The following AGBL1 variants were observed in gnomAD, a reference collection of about 807,000 sequenced individuals.
AGBL1 encodes the protein AGBL carboxypeptidase 1, also known as cytosolic carboxypeptidase 4.
A neutral mutation model predicts 118.9 loss-of-function variants in AGBL1; 130 were observed. That is an observed-to-expected ratio of 1.09 (90% CI 0.95 to 1.26). The LOEUF (loss-of-function observed/expected upper bound fraction) is 1.26, where lower values mean the gene tolerates loss of function less well. Among genes scored for constraint, AGBL1 ranks in the 50% most tolerant of loss-of-function variants. The pLI, the probability that AGBL1 is intolerant of heterozygous loss-of-function variation, is 0.00. For missense variants in AGBL1, 1,584 were observed against 1,298.1 expected, an observed-to-expected ratio of 1.22 and a Z score of -3.38; for synonymous variants, 555 against 478.9, an observed-to-expected ratio of 1.16 and a Z score of -2.08.
At chr15:86,381,864 G>A (rs1224170751) in intron 17 of AGBL1, among the ~76,000 whole-genome samples, 3 of 152,166 alleles carry the variant, frequency 2.0e-5, no homozygotes, top group Non-Finnish European at 4.4e-5. Context: ...TCTCCCCATT[G>A]GGAAGGCAGA....
At chr15:86,982,861 C>G (rs888518056) in intron 23 of AGBL1, among the ~76,000 whole-genome samples, 1 of 152,098 alleles carries the variant, frequency 6.6e-6, no homozygotes, top group African/African-American at 2.4e-5. Flanking sequence ...AAAAGTTATA[C>G]AAGGATTTTT....
At chr15:86,443,739 T>C (rs1036609200) in intron 18 of AGBL1, among the ~76,000 whole-genome samples, 1 of 152,234 alleles carries the variant, frequency 6.6e-6, no homozygotes, top group Admixed American at 6.5e-5. Context: ...CCAAACATAG[T>C]GTCCTCCAAA....
At chr15:86,203,341 C>T (rs1209148830) in intron 5 of AGBL1, among the ~76,000 whole-genome samples, 14 of 152,116 alleles carry the variant, frequency 9.2e-5, no homozygotes, top group African/African-American at 1.9e-4. Flanking sequence ...TGCTACCCTA[C>T]CAAAAATATA....
Position 86,667,234 on chromosome 15 carries a change from G to GTATCTATC in AGBL1, c.2995-7036_2995-7035insCTATCTAT, listed in dbSNP as rs1323977258. Among the ~76,000 whole-genome samples the GTATCTATC allele has an allele frequency of 2.0e-3, 193 of 97,546 alleles. 1 individual carries two copies. The East Asian group carries it at 0.021, about 11-fold the overall frequency. 64.0% of individuals were successfully genotyped at this position (97,546 alleles called of 152,430 possible). A position where few individuals can be genotyped will look rare whatever the true frequency, so the allele number is the denominator to read the frequency against. On this transcript the variant is annotated intron_variant, in intron 21 of 22. Transcript: ENST00000614907. ...TGTATCTATGTATGTATGTATGTAT[G>GTATCTATC]TATGTATGTATGTATGTATGTATCT...
rs36174307 is a variant in AGBL1, at chr15:86,410,842, A to ATATATATATG, written c.2555+13296_2555+13297insTATATATATG. Among the ~76,000 whole-genome samples the ATATATATATG allele has an allele frequency of 1.1e-3, 83 of 74,644 alleles. 3 individuals carry two copies. The highest frequency in any genetic ancestry group is 4.4e-3 in the East Asian group (7 of 1,576). The allele number at this position is 74,644 out of a possible 152,430, so 49.0% of individuals were successfully genotyped here. A position where few individuals can be genotyped will look rare whatever the true frequency, so the allele number is the denominator to read the frequency against. On this transcript the variant is annotated intron_variant, in intron 18 of 22. Transcript: ENST00000614907. ...TATATATATATATATATATATATAT[A>ATATATATATG]ATATACTATTTTATATATAAAATAT... is the stretch of plus-strand genomic sequence containing the variant.
At chr15:86,112,352 G>A (rs948460098) in intron 1 of AGBL1, among the ~76,000 whole-genome samples, 1 of 150,646 alleles carries the variant, frequency 6.6e-6, no homozygotes, top group Non-Finnish European at 1.5e-5. Flanking sequence ...TTATATGCAT[G>A]TTTAAACAAA....
rs567780744 is a variant in AGBL1 at position 86,999,090 on chromosome 15, G to A, written c.3323+11002G>A. 8.9e-4 allele frequency among the ~76,000 whole-genome samples: 135 copies of A among 151,212 alleles called. No individual in the cohort carries two copies. The Middle Eastern group carries it at 0.01, about 12-fold the overall frequency. On this transcript the variant is annotated intron_variant, in intron 24 of 24. Coordinates refer to the AGBL1 transcript ENST00000441037. ...CTCACTGTTCAATTCCCACCTATGA[G>A]TGAGAACATGCAGTGTTTGTTTTTT... is the stretch of plus-strand genomic sequence containing the variant.
intron 22 of AGBL1, among the ~76,000 whole-genome samples, chr15:86,739,483 AT>A (rs1464833714): frequency 6.6e-6 from 1 of 150,604 alleles, no homozygotes; most frequent in South Asian, 2.1e-4. Context: ...AGAAAAAAAA[AT>A]TTTTCACAGG....
At chr15:86,809,901 G>T (rs574400548) in intron 22 of AGBL1, among the ~76,000 whole-genome samples, 1 of 152,094 alleles carries the variant, frequency 6.6e-6, no homozygotes, top group South Asian at 2.1e-4. Flanking sequence ...TATGTCGTTT[G>T]GCCAATAAAA....
chr15:86,656,445 A>G lies in AGBL1; in HGVS notation c.2995-17828A>G, dbSNP rs192596380. Among the ~76,000 whole-genome samples the G allele has an allele frequency of 2.8e-3, 426 of 152,306 alleles. 2 individuals carry two copies. Among genetic ancestry groups the G allele is most frequent in the African/African-American group, 7.7e-3 (319 of 41,580 alleles). On this transcript the variant is annotated intron_variant, in intron 21 of 22. Transcript: ENST00000614907. ...AACTTCATTACAAACCCAGTGTTGT[A>G]GAGTTCTAAAGGAAGTAACTTGCTG...
chr15:86,122,244 G>A (rs1305380222), intron 1 of AGBL1, among the ~76,000 whole-genome samples: 3 of 152,158 alleles, frequency 2.0e-5, no homozygotes, highest in Non-Finnish European at 4.4e-5. Context: ...TGTTGCAAAC[G>A]GAGTAATGGG....
At chr15:86,236,012 C>T (rs927317995) in intron 6 of AGBL1, among the ~76,000 whole-genome samples, 3 of 152,196 alleles carry the variant, frequency 2.0e-5, no homozygotes, top group Non-Finnish European at 2.9e-5. Context: ...CTGACTTGCC[C>T]GAGATTGTGT....
At chr15:86,766,458 T>G (rs1271872918) in intron 22 of AGBL1, among the ~76,000 whole-genome samples, 1 of 151,958 alleles carries the variant, frequency 6.6e-6, no homozygotes, top group Non-Finnish European at 1.5e-5. Context: ...ATAATTGATG[T>G]TATCATTAAA....
chr15:86,667,012 A>G (rs551310731), intron 21 of AGBL1, among the ~76,000 whole-genome samples: 5 of 152,276 alleles, frequency 3.3e-5, no homozygotes, highest in African/African-American at 1.2e-4. Context: ...AGATGCATCC[A>G]TCTAGAAGTT....
intron 24 of AGBL1, among the ~76,000 whole-genome samples, chr15:87,010,997 C>T (rs2081553853): frequency 6.6e-6 from 1 of 152,206 alleles, no homozygotes; most frequent in Non-Finnish European, 1.5e-5. Context: ...GCTAAATGCT[C>T]ACCAAACCCA....
At chr15:86,555,975 A>G (rs997158622) in intron 21 of AGBL1, among the ~76,000 whole-genome samples, 2 of 152,156 alleles carry the variant, frequency 1.3e-5, no homozygotes, top group African/African-American at 2.4e-5. Context: ...CTCTCTGTAC[A>G]TGTGTCTTGA....
Position 86,224,909 on chromosome 15 carries a change from C to A in AGBL1, c.489-5C>A. The A allele has an allele frequency of 6.2e-7, 1 of 1,613,186 alleles. No homozygotes were observed. Among genetic ancestry groups the A allele is most frequent in the Non-Finnish European group, 8.5e-7 (1 of 1,179,438 alleles). On this transcript the variant is annotated splice_region_variant and splice_polypyrimidine_tract_variant and intron_variant, in intron 5 of 22. Coordinates refer to ENST00000614907, the MANE Select transcript of AGBL1 (RefSeq NM_001386094.1). ...TGACTGTTACTTTTCTTTCTCTTTC[C>A]CCAGGGCAGCCACTGAAGTTTTGGC...
At chr15:86,301,397 A>G (rs982931874) in intron 17 of AGBL1, among the ~76,000 whole-genome samples, 3 of 148,932 alleles carry the variant, frequency 2.0e-5, no homozygotes, top group Non-Finnish European at 2.9e-5. Context: ...TCTCTTGGCA[A>G]TCTTTTTTTT....
At chr15:86,741,327 C>G (rs1405251529) in intron 22 of AGBL1, among the ~76,000 whole-genome samples, 1 of 128,220 alleles carries the variant, frequency 7.8e-6, no homozygotes, top group Non-Finnish European at 1.5e-5. Flanking sequence ...GGCAGAAACA[C>G]TGAGCCTGTA....
Sources: gnomAD v4.1 joint callset for allele counts (sites outside exome capture counted in the v4.1 genomes callset) on GRCh38, gnomAD v4.1.1 for gene constraint, MANE v1.5 for transcripts, NCBI Gene and HGNC (gene_info 2026-07-23, HGNC 2026-07-21) for gene names.